Variants in GPATCH2 observed in about 807,000 individuals in gnomAD.
The protein encoded by GPATCH2 is G-patch domain containing 2, also known as G patch domain-containing protein 2.
In GPATCH2, 51 loss-of-function variants were observed where a neutral mutation model predicts 58.0. That is an observed-to-expected ratio of 0.88 (90% confidence interval 0.70 to 1.11). GPATCH2 has a LOEUF of 1.11. Among genes scored for constraint, GPATCH2 ranks in the 50% most tolerant of loss-of-function variants. GPATCH2 has a pLI of 0.00. For synonymous variants in GPATCH2, 222 were observed against 218.5 expected (o/e 1.02, Z -0.14); for missense variants, 625 against 652.2 (o/e 0.96, Z 0.45).
intron 5 of GPATCH2, among the ~76,000 whole-genome samples, chr1:217,576,930 T>C (rs1666834707): frequency 6.6e-6 from 1 of 152,216 alleles, no homozygotes; most frequent in Non-Finnish European, 1.5e-5. Flanking sequence ...ATATTTTGGC[T>C]TTTTAGCATT....
rs1306394934 is a variant in GPATCH2 at position 217,523,743 on chromosome 1, G to A, written c.1099-8854C>T. On this transcript the variant is annotated intron_variant, in intron 5 of 9. Transcript: ENST00000366935. ...CAGAGGGGCTCCTCACTTCCCAGTA[G>A]GGGCGGCCGGGCAGAGGCGCCCCTC... Among the ~76,000 whole-genome samples, 8 of 149,816 alleles carry A rather than the reference G, an allele frequency of 5.3e-5. 1 individual carries two copies. Among genetic ancestry groups the A allele is most frequent in the East Asian group, 2.0e-4 (1 of 5,042 alleles).
chr1:217,524,379 G>A (rs1037414149), intron 5 of GPATCH2, among the ~76,000 whole-genome samples: 2 of 150,820 alleles, frequency 1.3e-5, no homozygotes, highest in African/African-American at 4.9e-5. Context: ...TTTCCAGACT[G>A]AGCAGCCAGG....
intron 5 of GPATCH2, among the ~76,000 whole-genome samples, chr1:217,587,331 G>GCTATAAT (rs1326810182): frequency 6.6e-6 from 1 of 152,048 alleles, no homozygotes. Flanking sequence ...GCTTTAATTT[G>GCTATAAT]GTGTTTCCCA....
In GPATCH2 at chr1:217,587,353, C is replaced by T. The variant is rs569049973; in HGVS notation, c.1098+22968G>A. Among the ~76,000 whole-genome samples, 10 of 152,186 alleles carry T rather than the reference C, an allele frequency of 6.6e-5. No individual in the cohort carries two copies. The South Asian group carries it at 2.1e-3, about 32-fold the overall frequency. ...TTTGGTGTTTCCCAGACAAACTGTA[C>T]CACTGAACACTCCTTTTCCTTTTCC... is the stretch of plus-strand genomic sequence containing the variant. On this transcript the variant is annotated intron_variant, in intron 5 of 9. Transcript: ENST00000366935.
chr1:217,605,231 T>C (rs1266547597), intron 5 of GPATCH2, among the ~76,000 whole-genome samples: 4 of 152,192 alleles, frequency 2.6e-5, no homozygotes, highest in Non-Finnish European at 5.9e-5. Flanking sequence ...ATTCTTTTTC[T>C]CCTATAGAAT....
chr1:217,617,103 T>C (rs1367289256), intron 2 of GPATCH2, among the ~76,000 whole-genome samples: 2 of 152,190 alleles, frequency 1.3e-5, no homozygotes, highest in Non-Finnish European at 2.9e-5. Flanking sequence ...CTGTTAAAAA[T>C]TCTTCACTGA....
intron 9 of GPATCH2, among the ~76,000 whole-genome samples, chr1:217,439,087 C>T (rs1169643847): frequency 2.0e-5 from 3 of 152,154 alleles, no homozygotes; most frequent in Non-Finnish European, 2.9e-5. Flanking sequence ...AGCACCAAAT[C>T]GCACTTATTC....
chr1:217,583,285 G>T (rs1410983233), intron 5 of GPATCH2, among the ~76,000 whole-genome samples: 1 of 152,046 alleles, frequency 6.6e-6, no homozygotes, highest in Non-Finnish European at 1.5e-5. Context: ...AAAGATAGAA[G>T]ACTGAGTCGG....
At chr1:217,537,555 G>A (rs1664536775) in intron 5 of GPATCH2, among the ~76,000 whole-genome samples, 1 of 152,126 alleles carries the variant, frequency 6.6e-6, no homozygotes, top group South Asian at 2.1e-4. Context: ...TCACTGTCCT[G>A]ATGCTACTCA....
At chr1:217,469,063 GAAATT>G (rs1447611176) in intron 8 of GPATCH2, among the ~76,000 whole-genome samples, 1 of 152,024 alleles carries the variant, frequency 6.6e-6, no homozygotes. Flanking sequence ...GACCAAATTT[GAAATT>G]AAATTAAGTT....
intron 5 of GPATCH2, among the ~76,000 whole-genome samples, chr1:217,541,855 T>G (rs981300100): frequency 6.6e-6 from 1 of 152,156 alleles, no homozygotes; most frequent in African/African-American, 2.4e-5. Flanking sequence ...AATGACAAAG[T>G]GGAAGCTGAG....
intron 5 of GPATCH2, among the ~76,000 whole-genome samples, chr1:217,544,903 T>C (rs1488238014): frequency 1.3e-5 from 2 of 152,174 alleles, no homozygotes; most frequent in Non-Finnish European, 2.9e-5. Context: ...GAAAGAAATG[T>C]CTTTCCTCCC....
intron 5 of GPATCH2, 48 bp downstream of exon 5, chr1:217,610,273 A>G (rs1200884651): frequency 6.7e-7 from 1 of 1,489,830 alleles, no homozygotes; most frequent in South Asian, 1.1e-5. Context: ...TTCCATAGAA[A>G]TGGAAACATT....
At chr1:217,481,947 C>T (rs938883289) in intron 8 of GPATCH2, among the ~76,000 whole-genome samples, 1 of 152,078 alleles carries the variant, frequency 6.6e-6, no homozygotes, top group Non-Finnish European at 1.5e-5. Flanking sequence ...AATAATAATA[C>T]AGTCATCATA....
chr1:217,458,353 T>C (rs1417467006), intron 8 of GPATCH2, among the ~76,000 whole-genome samples: 3 of 152,234 alleles, frequency 2.0e-5, no homozygotes, highest in Non-Finnish European at 2.9e-5. Context: ...ACCATATTCC[T>C]AACCAGCTCA....
At chr1:217,476,440 C>T (rs544180466) in intron 8 of GPATCH2, among the ~76,000 whole-genome samples, 4 of 152,182 alleles carry the variant, frequency 2.6e-5, no homozygotes, top group Admixed American at 6.5e-5. Flanking sequence ...CTCACAATAC[C>T]TGGATTTAAC....
At chr1:217,581,724 G>A (rs182230504) in intron 5 of GPATCH2, among the ~76,000 whole-genome samples, 3 of 152,226 alleles carry the variant, frequency 2.0e-5, no homozygotes, top group African/African-American at 7.2e-5. Context: ...AGGCTGAGGC[G>A]GGCAGATCAC....
chr1:217,577,087 T>C (rs1226032812), intron 5 of GPATCH2, among the ~76,000 whole-genome samples: 1 of 152,208 alleles, frequency 6.6e-6, no homozygotes, highest in Non-Finnish European at 1.5e-5. Flanking sequence ...AAGAGTGCTA[T>C]TTTATACCAG....
At chr1:217,574,537 A>C (rs2102726581) in intron 5 of GPATCH2, among the ~76,000 whole-genome samples, 1 of 152,286 alleles carries the variant, frequency 6.6e-6, no homozygotes, top group Admixed American at 6.5e-5. Flanking sequence ...GCAATTGGTC[A>C]AAGTGAGACA....
Sources: gnomAD v4.1 joint callset for allele counts (sites outside exome capture counted in the v4.1 genomes callset) on GRCh38, gnomAD v4.1.1 for gene constraint, MANE v1.5 for transcripts, NCBI Gene and HGNC (gene_info 2026-07-23, HGNC 2026-07-21) for gene names.